PRPF6: variants seen among roughly 807,000 people sequenced by gnomAD.
PRPF6 encodes the protein pre-mRNA processing factor 6, also known as pre-mRNA-processing factor 6.
In PRPF6, 42 loss-of-function variants were observed where a neutral mutation model predicts 118.3. The ratio of observed to expected loss-of-function variants is 0.35; its 90% CI spans 0.28 to 0.46. The LOEUF is 0.46. Ranked by LOEUF, PRPF6 falls within the 20% of genes least tolerant of loss-of-function variation. PRPF6 has a pLI of 1.00. For missense variants in PRPF6, 662 were observed against 1,255.7 expected (o/e 0.53, Z 7.15); for synonymous variants, 481 against 485.1 (o/e 0.99, Z 0.11).
At chr20:63,999,252 T>C (rs2059155071) in intron 7 of PRPF6, 113 bp downstream of exon 7, 4 of 899,022 alleles carry the variant, frequency 4.4e-6, no homozygotes, top group Admixed American at 3.9e-5. Context: ...TTCTAAGAAA[T>C]GTAAAGTGGA....
At chr20:64,021,139 A>G (rs2059260498) in intron 12 of PRPF6, among the ~76,000 whole-genome samples, 1 of 151,820 alleles carries the variant, frequency 6.6e-6, no homozygotes, top group Non-Finnish European at 1.5e-5. Flanking sequence ...CAGTTACAGC[A>G]TGTGTGTGTG....
chr20:64,028,388 A>C lies in PRPF6; in HGVS notation c.2340-90A>C. 7.6e-7 allele frequency: 1 copy of C among 1,322,978 alleles called. No individual in the cohort carries two copies. Among genetic ancestry groups the C allele is most frequent in the Non-Finnish European group, 1.1e-6 (1 of 918,606 alleles). The allele number at this position is 1,322,978 out of a possible 1,614,324, so 82.0% of individuals were successfully genotyped here. On this transcript the variant is annotated intron_variant, in intron 17 of 20. Transcript: ENST00000266079. This position sits in a 1 kb window ranked among gnomAD's most constrained non-coding sequence, Gnocchi z 6.5. ...AGTTTTTGCTGCTGTGACTGGGTGG[A>C]GAGCCCTTTCAGACAAGGCTTCCCA...
intron 19 of PRPF6, among the ~76,000 whole-genome samples, chr20:64,031,179 A>G (rs2059312340): frequency 6.6e-6 from 1 of 152,226 alleles, no homozygotes; most frequent in Non-Finnish European, 1.5e-5. Flanking sequence ...CCTGGAGCCC[A>G]TCTTCTCAGT....
At position 63,994,901 on chromosome 20, in the gene PRPF6, GC is replaced by G; in HGVS notation, c.439-14del. 1 of 1,614,162 alleles carries G rather than the reference GC, an allele frequency of 6.2e-7. No individual in the cohort carries two copies. The highest frequency in any genetic ancestry group is 1.1e-5 in the South Asian group (1 of 91,082). The stretch of plus-strand genomic sequence containing the variant: ...TGTCAGAGAATTAATGTTTTTGGGG[GC>G]TGGATATTTCCAGAGGAAGTTGGCA... On this transcript the variant is annotated splice_polypyrimidine_tract_variant and intron_variant, in intron 4 of 20. Coordinates refer to ENST00000266079, the MANE Select transcript of PRPF6 (RefSeq NM_012469.4).
Position 63,983,271 on chromosome 20 carries a change from C to G in PRPF6, c.240+56C>G. 6 of 1,606,936 alleles carry G rather than the reference C, an allele frequency of 3.7e-6. No individual in the cohort carries two copies. The South Asian group carries it at 5.5e-5, about 15-fold the overall frequency. ...CAGCCAGTCTCTGGGAGCAGCTGAC[C>G]TAACCAGTGTGTGTTGGTGTCTGTA... On this transcript the variant is annotated intron_variant, in intron 2 of 20. Transcript: ENST00000266079.
chr20:64,020,698 T>G (rs755841128), intron 12 of PRPF6, among the ~76,000 whole-genome samples: 5 of 152,144 alleles, frequency 3.3e-5, no homozygotes, highest in Admixed American at 6.6e-5. Context: ...GTTGAGTGGA[T>G]GGGTTTTTTC....
In PRPF6 at chr20:63,985,102, G is replaced by A. The variant is rs181198423; in HGVS notation, c.359+77G>A. On this transcript the variant is annotated intron_variant, in intron 3 of 20. Transcript: ENST00000266079. ...TTTGTGGCCAGGCGCAGTGGCTCACGTGTGTAATCCTAGCACTTTGAGAGG... is the reference window on the plus strand; with the variant it reads ...TTTGTGGCCAGGCGCAGTGGCTCACATGTGTAATCCTAGCACTTTGAGAGG... 67 of 1,167,218 alleles carry A rather than the reference G, an allele frequency of 5.7e-5. 1 individual carries two copies. Among genetic ancestry groups the A allele is most frequent in the African/African-American group, 1.4e-4 (9 of 66,100 alleles). 72.3% of individuals were successfully genotyped at this position (1,167,218 alleles called of 1,614,324 possible).
chr20:63,988,330 A>C (rs554876430), intron 3 of PRPF6, among the ~76,000 whole-genome samples: 1 of 151,238 alleles, frequency 6.6e-6, no homozygotes, highest in East Asian at 1.9e-4. Flanking sequence ...AAAAAAAAAA[A>C]AAACCAAAAA....
At chr20:64,015,500 C>T (rs899862020) in intron 11 of PRPF6, among the ~76,000 whole-genome samples, 2 of 152,214 alleles carry the variant, frequency 1.3e-5, no homozygotes, top group East Asian at 1.9e-4. Context: ...CGGTCCATGT[C>T]GTGGTCCCCC....
At chr20:64,022,728 G>C in intron 12 of PRPF6, 29 bp from the exon 13 acceptor site, 2 of 1,613,796 alleles carry the variant, frequency 1.2e-6, no homozygotes, top group Non-Finnish European at 1.7e-6. Flanking sequence ...GTGCTGGGCT[G>C]CCCATTCTCA....
intron 9 of PRPF6, among the ~76,000 whole-genome samples, chr20:64,009,279 C>CAAAAAAAAAAAAAAAAAA (rs59045216): frequency 2.6e-5 from 1 of 38,230 alleles, no homozygotes; most frequent in Non-Finnish European, 4.9e-5. Context: ...GACTCCATCG[C>CAAAAAAAAAAAAAAAAAA]AAAAAAAAAA....
At chr20:64,013,526 A>C (rs933992937) in intron 11 of PRPF6, among the ~76,000 whole-genome samples, 5 of 151,212 alleles carry the variant, frequency 3.3e-5, no homozygotes, top group African/African-American at 1.2e-4. Context: ...GGCTCACTGC[A>C]TCCTTGACCT....
At chr20:64,018,057 A>T (rs770453623) in intron 12 of PRPF6, among the ~76,000 whole-genome samples, 18 of 152,162 alleles carry the variant, frequency 1.2e-4, no homozygotes, top group Non-Finnish European at 2.4e-4. Flanking sequence ...AAAGCCAGGC[A>T]TGGTGGTGCA....
intron 9 of PRPF6, among the ~76,000 whole-genome samples, chr20:64,009,832 G>A (rs1314178381): frequency 6.6e-6 from 1 of 152,188 alleles, no homozygotes; most frequent in East Asian, 1.9e-4. Flanking sequence ...ATTTTACCAA[G>A]ATTAGTTTTG....
rs534743637 is a variant in PRPF6, at chr20:63,981,164, C to T, written c.-82C>T. On this transcript the variant is annotated 5_prime_UTR_variant, in exon 1 of 21. The change creates a new upstream start codon in the 5' untranslated region. Transcript: ENST00000266079. ...ACACTTTGCTACGGAGTGCATCGGA[C>T]GTCGAAGCCTAGAGTCTCTGCGTCT... 2.3e-4 allele frequency: 323 copies of T among 1,418,578 alleles called. No homozygotes were observed. The highest frequency in any genetic ancestry group is 2.9e-4 in the Non-Finnish European group (301 of 1,026,388). 87.9% of individuals were successfully genotyped at this position (1,418,578 alleles called of 1,614,324 possible).
At chr20:64,001,716 C>T (rs1015966538) in intron 9 of PRPF6, among the ~76,000 whole-genome samples, 10 of 152,354 alleles carry the variant, frequency 6.6e-5, no homozygotes, top group African/African-American at 2.4e-4. Flanking sequence ...GAGGCTGTGC[C>T]TTCTGCTCCC....
chr20:64,023,495 T>C (rs1205957823), intron 13 of PRPF6, among the ~76,000 whole-genome samples: 4 of 152,196 alleles, frequency 2.6e-5, no homozygotes, highest in Non-Finnish European at 5.9e-5. Context: ...CGGGTGATGC[T>C]CCCTGTACCA....
chr20:63,988,569 GAC>G (rs1344273562), intron 3 of PRPF6, among the ~76,000 whole-genome samples: 1 of 151,900 alleles, frequency 6.6e-6, no homozygotes, highest in Non-Finnish European at 1.5e-5. Flanking sequence ...AAATACTGGG[GAC>G]ATTATTAACA....
intron 6 of PRPF6, among the ~76,000 whole-genome samples, chr20:63,997,404 C>T (rs1265236665): frequency 6.6e-6 from 1 of 151,272 alleles, no homozygotes; most frequent in Non-Finnish European, 1.5e-5. Context: ...GATTCTCCCA[C>T]CTGAGCCTCC....
Sources: gnomAD v4.1 joint callset for allele counts (sites outside exome capture counted in the v4.1 genomes callset) on GRCh38, gnomAD v4.1.1 for gene constraint, Gnocchi (gnomAD v3.1) non-coding constraint, MANE v1.5 for transcripts, NCBI Gene and HGNC (gene_info 2026-07-23, HGNC 2026-07-21) for gene names.